Variants in VPS13B observed in about 807,000 individuals in gnomAD.
VPS13B encodes intermembrane lipid transfer protein VPS13B.
In VPS13B, 285 loss-of-function variants were observed where a neutral mutation model predicts 426.4. That is an observed-to-expected ratio of 0.67 (90% confidence interval 0.61 to 0.74). VPS13B has a LOEUF of 0.74. VPS13B is among the 30% of genes least tolerant of loss of function. VPS13B has a pLI of 0.00. For missense variants in VPS13B, 4,537 were observed against 4,782.6 expected (o/e 0.95, Z 1.51); for synonymous variants, 1,676 against 1,676.4 (o/e 1.00, Z 0.01).
intron 35 of VPS13B, among the ~76,000 whole-genome samples, chr8:99,676,724 A>T (rs1298300238): frequency 1.3e-5 from 2 of 151,828 alleles, no homozygotes; most frequent in Non-Finnish European, 2.9e-5. Flanking sequence ...GTTCAACATG[A>T]TGTTGCTATG....
At chr8:99,619,021 G>A (rs1459634793) in intron 33 of VPS13B, among the ~76,000 whole-genome samples, 1 of 151,842 alleles carries the variant, frequency 6.6e-6, no homozygotes, top group Non-Finnish European at 1.5e-5. Flanking sequence ...TGGTGTTATG[G>A]CTATAATAGT....
intron 33 of VPS13B, among the ~76,000 whole-genome samples, chr8:99,614,649 A>AACCTAAACC (rs1828002678): frequency 6.6e-6 from 1 of 152,186 alleles, no homozygotes; most frequent in East Asian, 1.9e-4. Context: ...TGAGTATTTC[A>AACCTAAACC]TGGGATTTAG....
intron 17 of VPS13B, among the ~76,000 whole-genome samples, chr8:99,243,931 A>G (rs1293483118): frequency 1.6e-4 from 24 of 152,234 alleles, no homozygotes; most frequent in Admixed American, 1.6e-3. Context: ...TAGCTTATAG[A>G]CACAGCTGCA....
At chr8:99,083,915 T>G (rs1488790833) in intron 3 of VPS13B, among the ~76,000 whole-genome samples, 2 of 149,696 alleles carry the variant, frequency 1.3e-5, no homozygotes, top group Non-Finnish European at 3.0e-5. Flanking sequence ...GGTCTAAAAT[T>G]GTCTTTTTGT....
chr8:99,286,261 A>C (rs1428727691), intron 19 of VPS13B, among the ~76,000 whole-genome samples: 2 of 152,220 alleles, frequency 1.3e-5, no homozygotes, highest in Non-Finnish European at 2.9e-5. Context: ...TCGCAGGTAC[A>C]TATTTCATTT....
chr8:99,739,338 G>T (rs1468431996), intron 39 of VPS13B, among the ~76,000 whole-genome samples: 1 of 152,224 alleles, frequency 6.6e-6, no homozygotes, highest in African/African-American at 2.4e-5. Flanking sequence ...GCTCGAACTT[G>T]GTGGAGCCCA....
At chr8:99,149,875 T>G (rs1172145125) in intron 14 of VPS13B, among the ~76,000 whole-genome samples, 1 of 152,126 alleles carries the variant, frequency 6.6e-6, no homozygotes, top group Non-Finnish European at 1.5e-5. Context: ...TTGGCACTCC[T>G]TATGAGAATC....
At chr8:99,812,253 A>G (rs1813744900) in intron 44 of VPS13B, among the ~76,000 whole-genome samples, 1 of 152,172 alleles carries the variant, frequency 6.6e-6, no homozygotes, top group African/African-American at 2.4e-5. Context: ...CTGTCAGGGT[A>G]GTTTAGCGTT....
chr8:99,542,089 C>T (rs1052478258), intron 30 of VPS13B, among the ~76,000 whole-genome samples: 5 of 152,128 alleles, frequency 3.3e-5, no homozygotes, highest in Non-Finnish European at 7.3e-5. Context: ...TGGGGTTTCA[C>T]CGTGTTAGCC....
chr8:99,721,521 G>A (rs1833133227), intron 39 of VPS13B, among the ~76,000 whole-genome samples: 1 of 152,238 alleles, frequency 6.6e-6, no homozygotes, highest in Non-Finnish European at 1.5e-5. Flanking sequence ...GGTCTAACCT[G>A]TGATCATATT....
At chr8:99,210,816 T>C (rs1298651197) in intron 17 of VPS13B, among the ~76,000 whole-genome samples, 1 of 152,096 alleles carries the variant, frequency 6.6e-6, no homozygotes. Flanking sequence ...CAAGCTGGTC[T>C]CCAACTCCTG....
intron 37 of VPS13B, among the ~76,000 whole-genome samples, chr8:99,718,429 A>G (rs1376288865): frequency 1.3e-5 from 2 of 152,236 alleles, no homozygotes; most frequent in Non-Finnish European, 2.9e-5. Flanking sequence ...TTGATAAATT[A>G]GTCACACTGC....
chr8:99,617,001 C>T (rs994749945), intron 33 of VPS13B, among the ~76,000 whole-genome samples: 3 of 152,030 alleles, frequency 2.0e-5, no homozygotes, highest in African/African-American at 4.8e-5. Flanking sequence ...TGAGGAGAAA[C>T]GGAGATGTAT....
rs147768688 is a variant in VPS13B at position 99,651,113 on chromosome 8, A to G, written c.5908+8615A>G. 3.6e-3 allele frequency among the ~76,000 whole-genome samples: 547 copies of G among 152,256 alleles called. 3 individuals carry two copies. Among genetic ancestry groups the G allele is most frequent in the Non-Finnish European group, 6.0e-3 (411 of 67,990 alleles). On this transcript the variant is annotated intron_variant, in intron 34 of 61. Transcript: ENST00000357162. ...GAGGTCTTGGAACCAGTCCCCTGTG[A>G]ACAACAAGGGATGACTTTAAACATA...
intron 8 of VPS13B, among the ~76,000 whole-genome samples, chr8:99,124,114 T>C (rs1020516269): frequency 6.6e-6 from 1 of 152,158 alleles, no homozygotes; most frequent in Non-Finnish European, 1.5e-5. Flanking sequence ...AAGCTGAGAA[T>C]AAGTGATCAA....
chr8:99,565,727 A>G (rs1588500623), intron 31 of VPS13B, among the ~76,000 whole-genome samples: 1 of 152,134 alleles, frequency 6.6e-6, no homozygotes, highest in Non-Finnish European at 1.5e-5. Context: ...GTAGATAGGA[A>G]TATGGAAAGA....
chr8:99,555,674 T>G (rs969320534), intron 30 of VPS13B, among the ~76,000 whole-genome samples: 2 of 152,186 alleles, frequency 1.3e-5, no homozygotes, highest in African/African-American at 4.8e-5. Context: ...CCACCCTACC[T>G]TATTGCCTTG....
intron 29 of VPS13B, among the ~76,000 whole-genome samples, chr8:99,516,757 C>T (rs565789008): frequency 8.2e-6 from 1 of 121,636 alleles, no homozygotes; most frequent in South Asian, 2.6e-4. Context: ...CACCAAACTC[C>T]AGCCTGGGTG....
chr8:99,681,421 G>A (rs1311028326), intron 35 of VPS13B, among the ~76,000 whole-genome samples: 1 of 152,188 alleles, frequency 6.6e-6, no homozygotes, highest in East Asian at 1.9e-4. Context: ...ATGTGGTCCA[G>A]TCCCTCCAGG....
Sources: gnomAD v4.1 joint callset for allele counts (sites outside exome capture counted in the v4.1 genomes callset) on GRCh38, gnomAD v4.1.1 for gene constraint, MANE v1.5 for transcripts, NCBI Gene and HGNC (gene_info 2026-07-23, HGNC 2026-07-21) for gene names.